SLC12A2: variants seen among roughly 807,000 people sequenced by gnomAD.
SLC12A2 encodes the protein Na-K-2Cl cotransporter 1.
A neutral mutation model predicts 136.3 loss-of-function variants in SLC12A2; 67 were observed. The observed-to-expected ratio is 0.49, with a 90% confidence interval of 0.40 to 0.60. The LOEUF (loss-of-function observed/expected upper bound fraction) is 0.60, where lower values mean the gene tolerates loss of function less well. Among genes scored for constraint, SLC12A2 ranks in the 20% least tolerant of loss-of-function variants. The pLI is 0.00. For missense variants in SLC12A2, 1,322 were observed against 1,534.7 expected (o/e 0.86, Z 2.32); for synonymous variants, 619 against 562.9 (o/e 1.10, Z -1.41).
intron 1 of SLC12A2, chr5:128,110,242 T>C: frequency 1.2e-6 from 1 of 804,728 alleles, no homozygotes; most frequent in Non-Finnish European, 2.3e-6. Flanking sequence ...CAAACATCCA[T>C]CCGACCTTTT....
At chr5:128,111,840 A>G (rs1456991763) in intron 1 of SLC12A2, among the ~76,000 whole-genome samples, 1 of 151,602 alleles carries the variant, frequency 6.6e-6, no homozygotes, top group Non-Finnish European at 1.5e-5. Flanking sequence ...ATATATATAT[A>G]TGGAGAGAGA....
intron 1 of SLC12A2, among the ~76,000 whole-genome samples, chr5:128,087,540 G>A (rs1036826446): frequency 1.3e-5 from 2 of 152,198 alleles, no homozygotes; most frequent in Admixed American, 6.5e-5. Context: ...TGACAGTCCT[G>A]ACCAAAGGGA....
chr5:128,105,917 C>T (rs1760916416), intron 1 of SLC12A2, among the ~76,000 whole-genome samples: 1 of 152,136 alleles, frequency 6.6e-6, no homozygotes, highest in African/African-American at 2.4e-5. Flanking sequence ...CATTTTTTAA[C>T]TGCTGGATAG....
At chr5:128,113,262 T>C (rs997172266) in intron 2 of SLC12A2, among the ~76,000 whole-genome samples, 3 of 152,196 alleles carry the variant, frequency 2.0e-5, no homozygotes, top group Non-Finnish European at 4.4e-5. Flanking sequence ...GACTATCAAA[T>C]TGGGAGCATC....
At chr5:128,161,504 A>G (rs964177763) in intron 16 of SLC12A2, among the ~76,000 whole-genome samples, 156 bp from the exon 17 acceptor site, 19 of 152,138 alleles carry the variant, frequency 1.2e-4, no homozygotes, top group Admixed American at 5.2e-4. Flanking sequence ...AATCTTATGT[A>G]TTAAAAAGAC....
intron 4 of SLC12A2, among the ~76,000 whole-genome samples, chr5:128,117,002 G>A (rs539992137): frequency 1.3e-5 from 2 of 152,262 alleles, no homozygotes; most frequent in South Asian, 4.1e-4. Flanking sequence ...TAAATTGAAA[G>A]TATTAGTCTT....
At chr5:128,162,088 G>A (rs886910343) in intron 17 of SLC12A2, among the ~76,000 whole-genome samples, 4 of 152,132 alleles carry the variant, frequency 2.6e-5, no homozygotes, top group Non-Finnish European at 5.9e-5. Flanking sequence ...TTAAAGTAGA[G>A]GTGGGAGGCT....
intron 7 of SLC12A2, among the ~76,000 whole-genome samples, chr5:128,137,321 C>T (rs1310644380): frequency 6.6e-6 from 1 of 152,094 alleles, no homozygotes; most frequent in African/African-American, 2.4e-5. Context: ...TTGGGGTCTT[C>T]ATATATGTTG....
rs755965417 is a variant in SLC12A2, at chr5:128,186,883, CT to C, written c.*255del. 35 of 340,220 alleles carry C rather than the reference CT, an allele frequency of 1.0e-4. 1 individual carries two copies. In the Admixed American group the frequency reaches 1.1e-3, roughly 11 times the overall value. 21.1% of individuals were successfully genotyped at this position (340,220 alleles called of 1,614,324 possible). ...ACTGAAGTTTGTGAGAGTAGTTTTC[CT>C]TTGCTACTTGAATAGCAATAAAAGC... On this transcript the variant is annotated 3_prime_UTR_variant, in exon 27 of 27. Coordinates refer to ENST00000262461, the MANE Select transcript of SLC12A2 (RefSeq NM_001046.3).
chr5:128,153,228 A>T (rs1230870664), intron 15 of SLC12A2, among the ~76,000 whole-genome samples: 9 of 152,216 alleles, frequency 5.9e-5, no homozygotes, highest in African/African-American at 2.2e-4. Flanking sequence ...AGCATTTATT[A>T]CTATTTTCCT....
chr5:128,157,514 G>T (rs2054444), intron 15 of SLC12A2, among the ~76,000 whole-genome samples: 45,092 of 151,952 alleles, frequency 0.3, 7,635 homozygotes, highest in African/African-American at 0.46. Context: ...TCATGAAGTG[G>T]TAATAATTAT....
chr5:128,176,486 G>A (rs1763546505), intron 20 of SLC12A2, among the ~76,000 whole-genome samples: 1 of 151,896 alleles, frequency 6.6e-6, no homozygotes, highest in East Asian at 1.9e-4. Context: ...AGATATATTT[G>A]TAGATATTTT....
chr5:128,138,685 T>G lies in SLC12A2; in HGVS notation c.1497T>G (p.Thr499=). 6.2e-7 allele frequency: 1 copy of G among 1,613,866 alleles called. No homozygotes were observed. The highest frequency in any genetic ancestry group is 8.5e-7 in the Non-Finnish European group (1 of 1,179,814). Reference sequence around the variant, plus strand: ...TTGCCATCTTTTTTCCTGCTGCAACTGGTATTCTGGCTGGAGCAAATATCT... The same window carrying G: ...TTGCCATCTTTTTTCCTGCTGCAACGGGTATTCTGGCTGGAGCAAATATCT... The part of the protein sequence containing the change: ...SVFAIFFPAA[T]GILAGANISG... Residue 499 remains threonine, a synonymous_variant, in exon 8 of 27, where the codon ACT becomes ACG. Coordinates refer to ENST00000262461, the MANE Select transcript of SLC12A2 (RefSeq NM_001046.3).
chr5:128,088,003 G>A (rs1760162996), intron 1 of SLC12A2, among the ~76,000 whole-genome samples: 2 of 140,100 alleles, frequency 1.4e-5, no homozygotes, highest in African/African-American at 2.9e-5. Flanking sequence ...TCGTGGAGGA[G>A]GCTCTGTGTG....
intron 1 of SLC12A2, among the ~76,000 whole-genome samples, chr5:128,088,775 A>G (rs1351532634): frequency 6.6e-6 from 1 of 152,180 alleles, no homozygotes; most frequent in Non-Finnish European, 1.5e-5. Context: ...GGGAGCAACT[A>G]TATTGTCTTT....
chr5:128,088,329 G>T (rs1190534412), intron 1 of SLC12A2, among the ~76,000 whole-genome samples: 1 of 152,062 alleles, frequency 6.6e-6, no homozygotes, highest in Non-Finnish European at 1.5e-5. Context: ...GCTAGGAATT[G>T]ATTTAAAAAT....
chr5:128,122,119 T>C (rs1202166780), intron 4 of SLC12A2, among the ~76,000 whole-genome samples: 2 of 152,210 alleles, frequency 1.3e-5, no homozygotes, highest in Non-Finnish European at 2.9e-5. Flanking sequence ...TCAACCACTT[T>C]TTGCTTGGGG....
intron 15 of SLC12A2, among the ~76,000 whole-genome samples, chr5:128,153,561 CAAAA>C (rs890387765): frequency 6.6e-6 from 1 of 151,624 alleles, no homozygotes; most frequent in African/African-American, 2.4e-5. Flanking sequence ...TCTCAAAAAA[CAAAA>C]AAAGAATATA....
chr5:128,158,279 G>A lies in SLC12A2; in HGVS notation c.2475+115G>A, dbSNP rs529539213. ...AAATTGTGTGTCACAGGGGTTTGGTGTACAGATTGTTTTGTCACCCAGGTA... is the reference window on the plus strand; with the variant it reads ...AAATTGTGTGTCACAGGGGTTTGGTATACAGATTGTTTTGTCACCCAGGTA... On this transcript the variant is annotated intron_variant, in intron 16 of 26. Transcript: ENST00000262461. 2.2e-4 allele frequency: 168 copies of A among 747,182 alleles called. 1 individual carries two copies. In the South Asian group the frequency reaches 2.6e-3, roughly 11 times the overall value. The allele number at this position is 747,182 out of a possible 1,614,324, so 46.3% of individuals were successfully genotyped here.
Sources: allele counts gnomAD v4.1 joint callset (sites outside exome capture counted in the v4.1 genomes callset), GRCh38; gene constraint gnomAD v4.1.1; transcripts MANE v1.5; gene names NCBI Gene and HGNC (gene_info 2026-07-23, HGNC 2026-07-21).